Variants in COL4A6 observed in about 807,000 individuals in gnomAD.
COL4A6 encodes the protein collagen type IV alpha 6 chain.
In COL4A6, 59 loss-of-function variants were observed where a neutral mutation model predicts 126.7. That is an observed-to-expected ratio of 0.47 (90% CI 0.38 to 0.58). The LOEUF is 0.58. COL4A6 is among the 20% of genes least tolerant of loss of function. The pLI, the probability that COL4A6 is intolerant of heterozygous loss-of-function variation, is 0.00. For missense variants in COL4A6, 1,285 were observed against 1,337.3 expected (o/e 0.96, Z 0.61); for synonymous variants, 547 against 496.6 (o/e 1.10, Z -1.35).
chrX:108,288,737 A>G (rs1313465148), intron 3 of COL4A6, among the ~76,000 whole-genome samples: 2 of 111,173 alleles, frequency 1.8e-5, no homozygotes, highest in African/African-American at 3.3e-5. Context: ...CAGTGTAAAG[A>G]AGCTTCTCCT....
chrX:108,350,687 A>G (rs1342042556), intron 2 of COL4A6, among the ~76,000 whole-genome samples: 3 of 111,940 alleles, frequency 2.7e-5, no homozygotes, highest in African/African-American at 6.5e-5. Flanking sequence ...TCATCTTCCC[A>G]TAAGTAACAA....
chrX:108,340,969 T>C (rs1257593058), intron 2 of COL4A6, among the ~76,000 whole-genome samples: 1 of 110,527 alleles, frequency 9.0e-6, no homozygotes, highest in Non-Finnish European at 1.9e-5. Flanking sequence ...TTTGTGTTTG[T>C]GTATTTAGAA....
chrX:108,374,693 G>T (rs1026929160), intron 2 of COL4A6, among the ~76,000 whole-genome samples: 6 of 112,057 alleles, frequency 5.4e-5, no homozygotes, highest in Non-Finnish European at 1.1e-4. Flanking sequence ...AAAAGAGTTA[G>T]AATCTACCAA....
rs139970058 is a variant in COL4A6 at position 108,192,549 on chromosome X, G to A, written c.1104C>T (p.Leu368=). The A allele has an allele frequency of 1.2e-5, 14 of 1,203,316 alleles. No homozygotes were observed. The African/African-American group carries it at 1.9e-4, about 17-fold the overall frequency. The change falls in exon 18 of 45, where the codon CTC becomes CTT. Residue 368 remains leucine (L), a synonymous_variant. Transcript: ENST00000334504. ...GNPGDPGVPG[L]PGLKGDEGIQ... ...TGCCTTCATCTCCTTTAAGGCCTGG[G>A]AGGCCAGGTACACCAGGATCTCCAG...
chrX:108,437,924 T>G lies in COL4A6; in HGVS notation c.63+18A>C. ...GTCAAAGGAGGGGGACGGAAAAGGG[T>G]CGTGAGAAGAGACTCACCGCTGCTG... On this transcript the variant is annotated intron_variant, in intron 2 of 44. Transcript: ENST00000334504. 1 of 1,209,356 alleles carries G rather than the reference T, an allele frequency of 8.3e-7. No individual in the cohort carries two copies. The highest frequency in any genetic ancestry group is 1.1e-6 in the Non-Finnish European group (1 of 894,185).
intron 2 of COL4A6, among the ~76,000 whole-genome samples, chrX:108,384,997 C>T (rs767356969): frequency 5.4e-5 from 6 of 110,804 alleles, no homozygotes; most frequent in African/African-American, 1.3e-4. Context: ...TGCAGTAGAC[C>T]GCCTTATCTG....
intron 2 of COL4A6, among the ~76,000 whole-genome samples, chrX:108,369,455 A>C (rs2040274764): frequency 8.9e-6 from 1 of 111,872 alleles, no homozygotes; most frequent in African/African-American, 3.2e-5. Context: ...TCTGTTAAAA[A>C]CTGTCTCCTC....
At chrX:108,207,605 A>T (rs1413448482) in intron 8 of COL4A6, among the ~76,000 whole-genome samples, 1 of 111,966 alleles carries the variant, frequency 8.9e-6, no homozygotes, top group Non-Finnish European at 1.9e-5. Context: ...ACATCTGTGG[A>T]TTCAACCAAC....
At chrX:108,172,208 G>A (rs2034326214) in intron 32 of COL4A6, among the ~76,000 whole-genome samples, 1 of 108,234 alleles carries the variant, frequency 9.2e-6, no homozygotes, top group Non-Finnish European at 1.9e-5. Context: ...AAATTAGCCG[G>A]GTGTGGTGGT....
Position 108,190,427 on chromosome X carries a change from C to T in COL4A6, c.1391G>A (p.Gly464Asp), listed in dbSNP as rs138357385. Residue 464 changes from glycine to aspartate, a missense_variant, in exon 20 of 45, where the codon GGT becomes GAT. By Grantham distance (94) the Gly-to-Asp change is moderately conservative. Coordinates refer to ENST00000334504, the MANE Select transcript of COL4A6 (RefSeq NM_033641.4). ...TTTGAGGCCTAGGTTTCCTTTTGGACCTTGTTCTCCTCGGAGACCAGGGAA... is the reference window on the plus strand; with the variant it reads ...TTTGAGGCCTAGGTTTCCTTTTGGATCTTGTTCTCCTCGGAGACCAGGGAA... ...SGFPGLRGEQ[G>D]PKGNLGLKGI... 1.0e-5 allele frequency: 12 copies of T among 1,205,385 alleles called. No homozygotes were observed. Among genetic ancestry groups the T allele is most frequent in the Non-Finnish European group, 1.2e-5 (11 of 891,868 alleles).
At chrX:108,240,702 C>A (rs1360577419) in intron 3 of COL4A6, among the ~76,000 whole-genome samples, 1 of 112,002 alleles carries the variant, frequency 8.9e-6, no homozygotes, top group African/African-American at 3.2e-5. Flanking sequence ...ATGAAGGGGG[C>A]TGTGAAGCAC....
At chrX:108,167,265 AAAC>A (rs1225970805) in intron 37 of COL4A6, among the ~76,000 whole-genome samples, 1 of 112,420 alleles carries the variant, frequency 8.9e-6, no homozygotes, top group Non-Finnish European at 1.9e-5. Flanking sequence ...GCAAATATGA[AAAC>A]AAATAGTATC....
At chrX:108,355,867 A>G (rs1359450958) in intron 2 of COL4A6, among the ~76,000 whole-genome samples, 1 of 112,038 alleles carries the variant, frequency 8.9e-6, no homozygotes, top group Non-Finnish European at 1.9e-5. Flanking sequence ...TGCTTTACGT[A>G]GTGAAGTTAT....
At chrX:108,263,444 C>T (rs2037218373) in intron 3 of COL4A6, among the ~76,000 whole-genome samples, 1 of 111,964 alleles carries the variant, frequency 8.9e-6, no homozygotes, top group South Asian at 3.7e-4. Flanking sequence ...TTGAGAATAG[C>T]TTAGGACCGT....
chrX:108,219,656 C>T (rs775351813), intron 5 of COL4A6, 42 bp downstream of exon 5: 3 of 1,156,234 alleles, frequency 2.6e-6, no homozygotes, highest in Admixed American at 4.4e-5. Context: ...TGAGGCAGAA[C>T]CTAAAGGAGG....
chrX:108,438,467 G>C (rs2064316015), upstream of COL4A6: 1 of 992,092 alleles, frequency 1.0e-6, no homozygotes. Flanking sequence ...GAAAGGGGCG[G>C]GGCTGTCTGC....
At position 108,160,597 on chromosome X, in the gene COL4A6, C is replaced by G; in HGVS notation, c.4391G>C (p.Arg1464Thr). ...GMPGMPGQSM[R>T]VGYTLVKHSQ... ...GTGCTTTACCAACGTGTAGCCCACT[C>G]TCATGCTCTGGCCAGGCATTCCAGG... The change falls in exon 43 of 45, where the codon AGA (arginine) becomes ACA (threonine). Residue 1464 changes from arginine (R) to threonine (T), a missense_variant. By Grantham distance (71) the Arg-to-Thr change is moderately conservative. Transcript: ENST00000334504. 4 of 1,211,626 alleles carry G rather than the reference C, an allele frequency of 3.3e-6. No individual in the cohort carries two copies. The highest frequency in any genetic ancestry group is 3.0e-5 in the East Asian group (1 of 33,821).
intron 3 of COL4A6, among the ~76,000 whole-genome samples, chrX:108,257,434 T>A (rs759308941): frequency 1.8e-5 from 2 of 111,694 alleles, no homozygotes; most frequent in Non-Finnish European, 3.8e-5. Flanking sequence ...CAAGGCCACG[T>A]GTCCAGTGGG....
chrX:108,206,565 G>A lies in COL4A6; in HGVS notation c.562C>T (p.Pro188Ser). ...GGTCCTACAGCTCCAGGAAATCCGG[G>A]TGCTCCTTGTGGGCCCTAGAGAGGC... ...LDGITGPQGA[P>S]GFPGAVGPAG... is the part of the protein sequence containing the mutation. The change falls in exon 9 of 45, where the codon CCC becomes TCC. Residue 188 changes from proline (P) to serine (S), a missense_variant. Coordinates refer to ENST00000334504, the MANE Select transcript of COL4A6 (RefSeq NM_033641.4). The A allele has an allele frequency of 1.7e-6, 2 of 1,210,188 alleles. No individual in the cohort carries two copies. The highest frequency in any genetic ancestry group is 2.2e-6 in the Non-Finnish European group (2 of 894,430).
Sources: allele counts gnomAD v4.1 joint callset (sites outside exome capture counted in the v4.1 genomes callset), GRCh38; gene constraint gnomAD v4.1.1; transcripts MANE v1.5; gene names NCBI Gene and HGNC (gene_info 2026-07-23, HGNC 2026-07-21).